ZC3H12B: variants seen among roughly 807,000 people sequenced by gnomAD.
ZC3H12B encodes probable ribonuclease ZC3H12B.
A neutral mutation model predicts 43.9 loss-of-function variants in ZC3H12B; 7 were observed. The observed-to-expected ratio is 0.16, with a 90% CI of 0.09 to 0.30. The LOEUF (loss-of-function observed/expected upper bound fraction) is 0.30. Among genes scored for constraint, ZC3H12B ranks in the 10% least tolerant of loss-of-function variants. The probability of loss-of-function intolerance (pLI) is 1.00; values close to 1 mark genes in which losing one functional copy is unlikely to be tolerated. For synonymous variants in ZC3H12B, 222 were observed against 241.7 expected (o/e 0.92, Z 0.76); for missense variants, 475 against 670.2 (o/e 0.71, Z 3.22).
chrX:65,461,621 A>C (rs1316388384), intron 3 of ZC3H12B, among the ~76,000 whole-genome samples: 7 of 111,636 alleles, frequency 6.3e-5, no homozygotes, highest in Non-Finnish European at 1.1e-4. Flanking sequence ...CAAACACCAA[A>C]TGTTCTCACT....
the ZC3H12B span, among the ~76,000 whole-genome samples, chrX:65,277,238 G>A: frequency 9.0e-6 from 1 of 111,723 alleles, no homozygotes; most frequent in Non-Finnish European, 1.9e-5. Flanking sequence ...TAAATCTAAA[G>A]AGAGAGATAG....
chrX:65,243,274 C>T, the ZC3H12B span, among the ~76,000 whole-genome samples: 5 of 112,032 alleles, frequency 4.5e-5, no homozygotes, highest in African/African-American at 1.6e-4. Flanking sequence ...ATAGGAAGAA[C>T]AATAAATGTT....
At chrX:65,341,569 G>A in the ZC3H12B span, among the ~76,000 whole-genome samples, 1 of 111,135 alleles carries the variant, frequency 9.0e-6, no homozygotes, top group South Asian at 3.8e-4. Flanking sequence ...CATTTTTAAA[G>A]GAAAGAAATT....
the ZC3H12B span, among the ~76,000 whole-genome samples, chrX:65,251,331 G>T: frequency 9.0e-6 from 1 of 111,673 alleles, no homozygotes; most frequent in Admixed American, 9.5e-5. Flanking sequence ...TGCTGTTTTG[G>T]TTACTGTAGC....
chrX:65,406,097 A>G (rs760493912), intron 3 of ZC3H12B, among the ~76,000 whole-genome samples: 11 of 111,787 alleles, frequency 9.8e-5, no homozygotes, highest in Non-Finnish European at 1.3e-4. Flanking sequence ...TACTAAAACT[A>G]TTGCGAAAAA....
chrX:65,153,736 AC>A, the ZC3H12B span, among the ~76,000 whole-genome samples: 2 of 111,863 alleles, frequency 1.8e-5, no homozygotes, highest in African/African-American at 6.5e-5. Flanking sequence ...CTGGGTATAT[AC>A]CCAAAGGACT....
intron 3 of ZC3H12B, among the ~76,000 whole-genome samples, chrX:65,454,659 G>A (rs188683942): frequency 6.5e-4 from 73 of 111,804 alleles, no homozygotes; most frequent in African/African-American, 2.1e-3. Flanking sequence ...GCTGGAGATC[G>A]GAGGATGGAC....
intron 3 of ZC3H12B, among the ~76,000 whole-genome samples, chrX:65,471,194 C>T (rs1380785254): frequency 5.4e-5 from 6 of 111,282 alleles, no homozygotes; most frequent in Non-Finnish European, 9.4e-5. Context: ...ATTTATAAAT[C>T]TGAGGACTCC....
the ZC3H12B span, among the ~76,000 whole-genome samples, chrX:65,317,067 T>C: frequency 9.0e-6 from 1 of 110,855 alleles, no homozygotes; most frequent in South Asian, 3.8e-4. Flanking sequence ...TATATAATGG[T>C]AAGGGGGTAA....
chrX:65,160,402 TG>T, the ZC3H12B span, among the ~76,000 whole-genome samples: 2 of 111,935 alleles, frequency 1.8e-5, no homozygotes, highest in African/African-American at 3.2e-5. Flanking sequence ...GGACTCTTTT[TG>T]GTTGGTAAGC....
chrX:65,217,304 C>G, the ZC3H12B span, among the ~76,000 whole-genome samples: 1 of 111,882 alleles, frequency 8.9e-6, no homozygotes. Context: ...TACTCATTGT[C>G]CTTTGAATTT....
the ZC3H12B span, among the ~76,000 whole-genome samples, chrX:65,284,684 G>A: frequency 6.9e-3 from 759 of 110,602 alleles, 10 homozygotes; most frequent in African/African-American, 0.024. Flanking sequence ...TCACTTGAAC[G>A]TGGGAGGAAG....
intron 2 of ZC3H12B, among the ~76,000 whole-genome samples, chrX:65,497,869 A>C (rs1378740670): frequency 8.9e-6 from 1 of 111,957 alleles, no homozygotes; most frequent in East Asian, 2.8e-4. Flanking sequence ...CCTTGGCTTT[A>C]TACTGAAGCA....
the ZC3H12B span, among the ~76,000 whole-genome samples, chrX:65,090,239 A>T: frequency 9.0e-6 from 1 of 111,420 alleles, no homozygotes; most frequent in African/African-American, 3.3e-5. Context: ...TCACCAGGGG[A>T]TAGGAATTTT....
At chrX:65,501,239 C>CT (rs770490342) in intron 4 of ZC3H12B, among the ~76,000 whole-genome samples, 6,351 of 63,044 alleles carry the variant, frequency 0.1, 574 homozygotes, top group African/African-American at 0.31. Flanking sequence ...TCAGCTTTAG[C>CT]TTTTTTTTTT....
chrX:65,103,611 G>A, the ZC3H12B span, among the ~76,000 whole-genome samples: 53 of 111,807 alleles, frequency 4.7e-4, no homozygotes, highest in Admixed American at 7.6e-4. Flanking sequence ...CACAATTTAT[G>A]TTCAGAGATT....
rs940600070 is a variant in ZC3H12B, at chrX:65,500,128, G to A, written c.1090+139G>A. On this transcript the variant is annotated intron_variant, in intron 4 of 4. Coordinates refer to ENST00000338957, the Ensembl canonical transcript of ZC3H12B. ...TCTTTGAGTTAAAGTTTGTGTCTTC[G>A]TGTACACTGTTAGGTATTTAAAGAA... The A allele has an allele frequency of 5.5e-5, 27 of 488,761 alleles. 1 individual carries two copies. The highest frequency in any genetic ancestry group is 5.1e-4 in the East Asian group (15 of 29,374). 40.3% of individuals were successfully genotyped at this position (488,761 alleles called of 1,213,427 possible).
chrX:65,456,422 C>CATGGT (rs2067611908), intron 3 of ZC3H12B, among the ~76,000 whole-genome samples: 2 of 53,962 alleles, frequency 3.7e-5, no homozygotes, highest in East Asian at 1.6e-3. Context: ...TCTCCCTCTC[C>CATGGT]CTCTCCCTCT....
chrX:65,336,960 T>A, the ZC3H12B span, among the ~76,000 whole-genome samples: 1 of 112,278 alleles, frequency 8.9e-6, no homozygotes, highest in East Asian at 2.8e-4. Flanking sequence ...AACCCACTCT[T>A]AGCCAAAAGG....
Sources: gnomAD v4.1 joint callset for allele counts (sites outside exome capture counted in the v4.1 genomes callset) on GRCh38, gnomAD v4.1.1 for gene constraint, MANE v1.5 for transcripts, NCBI Gene and HGNC (gene_info 2026-07-23, HGNC 2026-07-21) for gene names.